Variants in ATP2B2 observed in about 807,000 individuals in gnomAD.
ATP2B2 encodes the protein plasma membrane calcium-transporting ATPase 2.
A neutral mutation model predicts 120.0 loss-of-function variants in ATP2B2; 15 were observed. That is an observed-to-expected ratio of 0.12 (90% CI 0.08 to 0.19). ATP2B2 has a LOEUF of 0.19. Ranked by LOEUF, ATP2B2 falls within the 10% of genes least tolerant of loss-of-function variation. The pLI, the probability that ATP2B2 is intolerant of heterozygous loss-of-function variation, is 1.00. For missense variants in ATP2B2, 1,045 were observed against 1,719.8 expected, an observed-to-expected ratio of 0.61 and a Z score of 6.94; for synonymous variants, 694 against 700.3, an observed-to-expected ratio of 0.99 and a Z score of 0.14.
chr3:10,373,327 C>A (rs910900694), intron 11 of ATP2B2, among the ~76,000 whole-genome samples: 2 of 152,220 alleles, frequency 1.3e-5, no homozygotes, highest in African/African-American at 4.8e-5. Flanking sequence ...GAACCTACCT[C>A]CGTTTAACCT....
intron 2 of ATP2B2, among the ~76,000 whole-genome samples, chr3:10,423,723 C>T (rs2063063141): frequency 1.3e-5 from 2 of 152,198 alleles, no homozygotes; most frequent in African/African-American, 2.4e-5. Context: ...TGTAGCCTCC[C>T]AGGACGCCTT....
chr3:10,628,124 A>AT (rs764395698), intron 1 of ATP2B2, among the ~76,000 whole-genome samples: 20 of 152,230 alleles, frequency 1.3e-4, no homozygotes, highest in Non-Finnish European at 2.5e-4. Context: ...GGGGACCTGC[A>AT]TGGCCTCACA....
chr3:10,439,700 C>G (rs2063593090), intron 2 of ATP2B2, among the ~76,000 whole-genome samples: 1 of 151,870 alleles, frequency 6.6e-6, no homozygotes, highest in South Asian at 2.1e-4. Flanking sequence ...TGTTAAAAAA[C>G]CAAAGTCTTC....
In ATP2B2 at chr3:10,448,246, T is replaced by C. The variant is rs986160384; in HGVS notation, c.199+1099A>G. ...CATCCACTTCTCCTTAGAATAATCA[T>C]GGCTGCCACTTTGAGCACCTACTGT... On this transcript the variant is annotated intron_variant, in intron 2 of 22. Coordinates refer to ENST00000360273, the MANE Select transcript of ATP2B2 (RefSeq NM_001001331.4). 5.4e-4 allele frequency among the ~76,000 whole-genome samples: 82 copies of C among 152,226 alleles called. 1 individual carries two copies. Among genetic ancestry groups the C allele is most frequent in the Admixed American group, 5.4e-3 (82 of 15,284 alleles).
chr3:10,505,108 A>G (rs1337275598), intron 1 of ATP2B2, among the ~76,000 whole-genome samples: 1 of 152,144 alleles, frequency 6.6e-6, no homozygotes, highest in Admixed American at 6.5e-5. Context: ...TGGCCCTTGC[A>G]TAACATCCTT....
At chr3:10,668,935 C>T (rs1022748475) in intron 1 of ATP2B2, among the ~76,000 whole-genome samples, 2 of 152,232 alleles carry the variant, frequency 1.3e-5, no homozygotes, top group African/African-American at 2.4e-5. Flanking sequence ...CGAGGAGAGC[C>T]GCACTGTTCT....
intron 14 of ATP2B2, among the ~76,000 whole-genome samples, chr3:10,357,605 A>G (rs2060774528): frequency 6.6e-6 from 1 of 152,166 alleles, no homozygotes; most frequent in African/African-American, 2.4e-5. Context: ...AGGTCCATTA[A>G]GGAGTGGAGG....
At chr3:10,565,622 G>C (rs532671002) in intron 2 of ATP2B2, among the ~76,000 whole-genome samples, 3 of 152,280 alleles carry the variant, frequency 2.0e-5, no homozygotes, top group African/African-American at 7.2e-5. Context: ...TTAAACCCCA[G>C]CTGCCTGAGG....
intron 2 of ATP2B2, among the ~76,000 whole-genome samples, chr3:10,416,846 T>G (rs903990631): frequency 6.6e-6 from 1 of 152,104 alleles, no homozygotes; most frequent in Non-Finnish European, 1.5e-5. Flanking sequence ...CAAAAGGCTG[T>G]GATTTCACAC....
intron 1 of ATP2B2, among the ~76,000 whole-genome samples, chr3:10,657,816 C>A (rs911363430): frequency 5.3e-5 from 8 of 152,220 alleles, no homozygotes; most frequent in South Asian, 4.1e-4. Context: ...GGGTCCCTGA[C>A]CCCCAAGGAG....
chr3:10,328,805 G>T lies in ATP2B2; in HGVS notation c.*9C>A. The T allele has an allele frequency of 6.2e-7, 1 of 1,600,904 alleles. No homozygotes were observed. The highest frequency in any genetic ancestry group is 1.1e-5 in the South Asian group (1 of 90,058). On this transcript the variant is annotated 3_prime_UTR_variant, in exon 23 of 23. Transcript: ENST00000360273. Reference sequence around the variant, plus strand: ...ATGAGGGCGGGCGGGCAGGCGAGAGGGTCCTCAGCTAAAGCGACGTCTCCA... The same window carrying T: ...ATGAGGGCGGGCGGGCAGGCGAGAGTGTCCTCAGCTAAAGCGACGTCTCCA...
chr3:10,378,325 G>A lies in ATP2B2; in HGVS notation c.1128C>T (p.Ala376=). 6 of 1,609,550 alleles carry A rather than the reference G, an allele frequency of 3.7e-6. No homozygotes were observed. Among genetic ancestry groups the A allele is most frequent in the Non-Finnish European group, 5.1e-6 (6 of 1,180,026 alleles). Residue 376 remains alanine, a synonymous_variant, in exon 10 of 23, where the codon GCC becomes GCT. Transcript: ENST00000360273. ...CGGACTTCTCCTTCTTGTGCATGCT[G>A]GCCTTCTTCCTGTCGTCAGCGTCGC... The part of the protein sequence containing the change: ...EGGDADDRKK[A]SMHKKEKSVL...
At chr3:10,673,033 T>A (rs78331699) in intron 1 of ATP2B2, among the ~76,000 whole-genome samples, 10,354 of 152,208 alleles carry the variant, frequency 0.068, 486 homozygotes, top group South Asian at 0.14. Flanking sequence ...GTGCATTTTC[T>A]CCTTGCAGAG....
At chr3:10,360,769 C>T (rs528246555) in intron 12 of ATP2B2, among the ~76,000 whole-genome samples, 2 of 152,224 alleles carry the variant, frequency 1.3e-5, no homozygotes, top group Non-Finnish European at 2.9e-5. Flanking sequence ...ACCGGCTTTA[C>T]ATGAGCTTGT....
intron 1 of ATP2B2, among the ~76,000 whole-genome samples, chr3:10,651,838 C>T (rs879158953): frequency 1.2e-4 from 18 of 152,138 alleles, no homozygotes; most frequent in Admixed American, 1.2e-3. Flanking sequence ...TTATAACCTT[C>T]TGGAAAGCCT....
chr3:10,340,374 AAG>A lies in ATP2B2; in HGVS notation c.3130-27_3130-26del, dbSNP rs745831146. On this transcript the variant is annotated intron_variant, in intron 20 of 22. Transcript: ENST00000360273. This position sits in a 1 kb window ranked among gnomAD's most constrained non-coding sequence, Gnocchi z 5.0. ...TCTGGAGGTCACAGGGGAGCAGAGA[AAG>A]AGAGAGAGAGAGGCCATCAGGGACC... The A allele has an allele frequency of 2.6e-3, 3,840 of 1,487,766 alleles. No individual in the cohort carries two copies. The highest frequency in any genetic ancestry group is 2.9e-3 in the Non-Finnish European group (3,158 of 1,092,554). 92.2% of individuals were successfully genotyped at this position (1,487,766 alleles called of 1,614,324 possible).
At chr3:10,573,272 T>C (rs894779293) in intron 2 of ATP2B2, among the ~76,000 whole-genome samples, 3 of 152,134 alleles carry the variant, frequency 2.0e-5, no homozygotes, top group African/African-American at 7.2e-5. Context: ...GAATAATTGA[T>C]TGAATGTCTA....
At position 10,457,666 on chromosome 3, in the gene ATP2B2, C is replaced by A. The variant is rs183775776; in HGVS notation, c.-319-7804G>T. ...TGAGTGTCTGTGTATGTGCTCAAAG[C>A]TGAAGAAGACAATCTCACAAACTCT... On this transcript the variant is annotated intron_variant, in intron 1 of 22. Coordinates refer to ENST00000360273, the MANE Select transcript of ATP2B2 (RefSeq NM_001001331.4). 7.9e-5 allele frequency among the ~76,000 whole-genome samples: 12 copies of A among 152,088 alleles called. No individual in the cohort carries two copies. The East Asian group carries it at 2.3e-3, about 29-fold the overall frequency.
chr3:10,388,408 A>C lies in ATP2B2; in HGVS notation c.782-6T>G. 1.2e-6 allele frequency: 2 copies of C among 1,614,128 alleles called. No individual in the cohort carries two copies. Among genetic ancestry groups the C allele is most frequent in the Non-Finnish European group, 1.7e-6 (2 of 1,180,016 alleles). On this transcript the variant is annotated splice_region_variant and splice_polypyrimidine_tract_variant and intron_variant, in intron 5 of 22. Coordinates refer to ENST00000360273, the MANE Select transcript of ATP2B2 (RefSeq NM_001001331.4). ...GCCCTCCATCACGTGGGTTCCTGGG[A>C]AAGGGGACAAAAGCCAAGTTACCAT... is the stretch of plus-strand genomic sequence containing the variant.
Sources: gnomAD v4.1 joint callset for allele counts (sites outside exome capture counted in the v4.1 genomes callset) on GRCh38, gnomAD v4.1.1 for gene constraint, Gnocchi (gnomAD v3.1) non-coding constraint, MANE v1.5 for transcripts, NCBI Gene and HGNC (gene_info 2026-07-23, HGNC 2026-07-21) for gene names.